Variants in ZFHX3 observed in about 807,000 individuals in gnomAD.
ZFHX3 encodes the protein zinc finger homeobox protein 3.
In ZFHX3, 42 loss-of-function variants were observed where a neutral mutation model predicts 279.1. The ratio of observed to expected loss-of-function variants is 0.15; its 90% CI spans 0.12 to 0.19. ZFHX3 has a LOEUF of 0.19. ZFHX3 is among the 10% of genes least tolerant of loss of function. The probability of loss-of-function intolerance (pLI) is 1.00; values close to 1 mark genes in which losing one functional copy is unlikely to be tolerated. For synonymous variants in ZFHX3, 2,293 were observed against 1,957.8 expected (o/e 1.17, Z -4.52); for missense variants, 4,981 against 4,754.0 (o/e 1.05, Z -1.40).
chr16:73,513,232 T>A (rs976108655), intron 2 of ZFHX3, among the ~76,000 whole-genome samples: 1 of 152,064 alleles, frequency 6.6e-6, no homozygotes, highest in Non-Finnish European at 1.5e-5. Flanking sequence ...GGGCTCTAGG[T>A]GATGATGTGA....
chr16:73,472,228 G>A (rs2018680245), intron 2 of ZFHX3, among the ~76,000 whole-genome samples: 1 of 142,240 alleles, frequency 7.0e-6, no homozygotes, highest in South Asian at 2.4e-4. Context: ...ATGAGCCCAT[G>A]TTTTCAGACT....
intron 1 of ZFHX3, among the ~76,000 whole-genome samples, chr16:73,775,745 T>C (rs940577659): frequency 6.6e-6 from 1 of 152,190 alleles, no homozygotes; most frequent in African/African-American, 2.4e-5. Context: ...GGCTGCTCCA[T>C]TTTTTAATAA....
At chr16:73,120,786 C>T (rs923095011) in intron 7 of ZFHX3, among the ~76,000 whole-genome samples, 19 of 151,696 alleles carry the variant, frequency 1.3e-4, no homozygotes, top group African/African-American at 4.6e-4. Flanking sequence ...TCCCGAGTAG[C>T]TGGGACCACA....
chr16:73,045,310 A>T (rs1025679892), intron 1 of ZFHX3, among the ~76,000 whole-genome samples: 1 of 152,242 alleles, frequency 6.6e-6, no homozygotes, highest in African/African-American at 2.4e-5. Context: ...CTTTTGGGTC[A>T]CCAAAGATGA....
chr16:72,857,848 T>C (rs1259967088), intron 4 of ZFHX3, among the ~76,000 whole-genome samples: 1 of 152,264 alleles, frequency 6.6e-6, no homozygotes, highest in African/African-American at 2.4e-5. Flanking sequence ...GTATAATTCA[T>C]GCCACTGGTT....
chr16:73,267,442 C>A (rs183431199), intron 4 of ZFHX3, among the ~76,000 whole-genome samples: 2 of 152,202 alleles, frequency 1.3e-5, no homozygotes, highest in Admixed American at 1.3e-4. Context: ...CATATGGAGT[C>A]GTCCCTGATG....
chr16:73,693,573 A>G (rs2053168787), intron 1 of ZFHX3, among the ~76,000 whole-genome samples: 1 of 151,998 alleles, frequency 6.6e-6, no homozygotes, highest in South Asian at 2.1e-4. Flanking sequence ...GGATAAGAGG[A>G]AAGTTGGGTT....
Position 73,311,078 on chromosome 16 carries a change from C to T in ZFHX3, c.-1194+7162G>A, listed in dbSNP as rs555661098. On this transcript the variant is annotated intron_variant, in intron 4 of 17. Coordinates refer to the ZFHX3 transcript ENST00000641206. ...TGAGACCCTGTCTTTACTAAAAATA[C>T]AAAAATTAGCCGGGCATGGTGGCAG... 7.1e-4 allele frequency among the ~76,000 whole-genome samples: 108 copies of T among 151,372 alleles called. 1 individual carries two copies. The highest frequency in any genetic ancestry group is 2.5e-3 in the African/African-American group (102 of 41,264).
rs141311910 is a variant in ZFHX3, at chr16:73,073,212, C to T, written c.-532-14200G>A. On this transcript the variant is annotated intron_variant, in intron 8 of 17. Transcript: ENST00000641206. ...GTGCCCAGCCTCCTATTACTTAAGA[C>T]ACATTTCTAGTACTATGCCCATTGA... Among the ~76,000 whole-genome samples the T allele has an allele frequency of 2.8e-4, 42 of 152,118 alleles. No individual in the cohort carries two copies. In the South Asian group the frequency reaches 6.9e-3, roughly 25 times the overall value.
chr16:73,247,759 G>A (rs2013341515), intron 5 of ZFHX3, among the ~76,000 whole-genome samples: 1 of 152,064 alleles, frequency 6.6e-6, no homozygotes, highest in African/African-American at 2.4e-5. Flanking sequence ...GTGTATGAGT[G>A]TGTATATACT....
chr16:72,818,537 A>G (rs1175789041), intron 5 of ZFHX3, among the ~76,000 whole-genome samples: 4 of 152,200 alleles, frequency 2.6e-5, no homozygotes, highest in African/African-American at 9.7e-5. Context: ...TTAAACATGC[A>G]TGGTCTCATT....
chr16:73,334,215 C>T (rs751637495), intron 3 of ZFHX3, among the ~76,000 whole-genome samples: 4 of 152,162 alleles, frequency 2.6e-5, no homozygotes, highest in South Asian at 2.1e-4. Flanking sequence ...GGGTCACCAG[C>T]TTCATCGCTG....
At position 72,894,885 on chromosome 16, in the gene ZFHX3, C is replaced by T. The variant is rs1324660240; in HGVS notation, c.3217-4923G>A. On this transcript the variant is annotated intron_variant, in intron 3 of 9. Transcript: ENST00000268489. ...GTCACCCGCTGGGGAGGAGGGCAACCGGGTTCTGTTTTTACTTTTTCCATT... is the reference window on the plus strand; with the variant it reads ...GTCACCCGCTGGGGAGGAGGGCAACTGGGTTCTGTTTTTACTTTTTCCATT... 3.3e-5 allele frequency among the ~76,000 whole-genome samples: 5 copies of T among 152,172 alleles called. No individual in the cohort carries two copies. In the East Asian group the frequency reaches 5.8e-4, roughly 18 times the overall value.
intron 4 of ZFHX3, among the ~76,000 whole-genome samples, chr16:73,312,138 C>T (rs780963929): frequency 1.4e-4 from 21 of 152,042 alleles, no homozygotes; most frequent in Non-Finnish European, 2.8e-4. Flanking sequence ...AATTGTGACA[C>T]GTGACAAAAG....
At chr16:72,918,023 G>T (rs920031468) in intron 3 of ZFHX3, among the ~76,000 whole-genome samples, 1 of 152,160 alleles carries the variant, frequency 6.6e-6, no homozygotes, top group Non-Finnish European at 1.5e-5. Flanking sequence ...AGGGGACAAG[G>T]AGGCCTGGTT....
chr16:73,515,288 A>T (rs2019499705), intron 2 of ZFHX3, among the ~76,000 whole-genome samples: 1 of 152,314 alleles, frequency 6.6e-6, no homozygotes, highest in African/African-American at 2.4e-5. Context: ...GATGTGCAAG[A>T]CACACCACCT....
chr16:73,782,774 T>C (rs1959517238), intron 1 of ZFHX3, among the ~76,000 whole-genome samples: 1 of 152,214 alleles, frequency 6.6e-6, no homozygotes, highest in South Asian at 2.1e-4. Context: ...TGCTGCAAGA[T>C]GACAGACCTG....
chr16:73,341,851 T>C (rs2016039213), intron 3 of ZFHX3, among the ~76,000 whole-genome samples: 1 of 152,172 alleles, frequency 6.6e-6, no homozygotes, highest in Non-Finnish European at 1.5e-5. Flanking sequence ...AGGCTACATA[T>C]TGTATAAGTC....
intron 1 of ZFHX3, among the ~76,000 whole-genome samples, chr16:73,785,784 C>A (rs1449847485): frequency 6.6e-6 from 1 of 152,168 alleles, no homozygotes; most frequent in East Asian, 1.9e-4. Flanking sequence ...GGTCTTCTCT[C>A]CTCTCTGAAA....
Sources: gnomAD v4.1 joint callset for allele counts (sites outside exome capture counted in the v4.1 genomes callset) on GRCh38, gnomAD v4.1.1 for gene constraint, MANE v1.5 for transcripts, NCBI Gene and HGNC (gene_info 2026-07-23, HGNC 2026-07-21) for gene names.